Variants in CAMK1D observed in about 807,000 individuals in gnomAD.
The protein encoded by CAMK1D is calcium/calmodulin dependent protein kinase ID.
CAMK1D carries 9 observed loss-of-function variants against 47.7 expected under a neutral mutation model. The ratio of observed to expected loss-of-function variants is 0.19; its 90% CI spans 0.11 to 0.33. The LOEUF is 0.33. Among genes scored for constraint, CAMK1D ranks in the 10% least tolerant of loss-of-function variants. The pLI, the probability that CAMK1D is intolerant of heterozygous loss-of-function variation, is 1.00. For missense variants in CAMK1D, 291 were observed against 488.7 expected, an observed-to-expected ratio of 0.60 and a Z score of 3.81; for synonymous variants, 184 against 184.9, an observed-to-expected ratio of 0.99 and a Z score of 0.04.
chr10:12,658,007 G>A (rs983070174), intron 2 of CAMK1D, among the ~76,000 whole-genome samples: 72 of 152,212 alleles, frequency 4.7e-4, no homozygotes, highest in African/African-American at 1.7e-3. Context: ...AAAATTAGCT[G>A]GGCATGGTGG....
intron 1 of CAMK1D, among the ~76,000 whole-genome samples, chr10:12,389,389 G>A (rs1838641077): frequency 1.3e-5 from 2 of 152,298 alleles, no homozygotes; most frequent in Admixed American, 1.3e-4. Flanking sequence ...TCCTTGGGGT[G>A]CGTGGCCAGA....
chr10:12,501,237 C>T (rs1834693847), intron 1 of CAMK1D, among the ~76,000 whole-genome samples: 2 of 152,186 alleles, frequency 1.3e-5, no homozygotes, highest in South Asian at 4.1e-4. Flanking sequence ...AAATAGTGCC[C>T]TGGGGGCAGA....
At chr10:12,622,360 C>T (rs2132441608) in intron 2 of CAMK1D, among the ~76,000 whole-genome samples, 1 of 152,204 alleles carries the variant, frequency 6.6e-6, no homozygotes, top group Non-Finnish European at 1.5e-5. Context: ...TGTTTTTGGT[C>T]TGAGCCCATT....
chr10:12,439,463 A>G (rs1386958967), intron 1 of CAMK1D, among the ~76,000 whole-genome samples: 1 of 151,994 alleles, frequency 6.6e-6, no homozygotes, highest in Non-Finnish European at 1.5e-5. Flanking sequence ...TATGCATGTT[A>G]TTGTTTGCCT....
intron 1 of CAMK1D, among the ~76,000 whole-genome samples, chr10:12,377,306 A>G (rs531235142): frequency 5.9e-5 from 9 of 152,320 alleles, no homozygotes; most frequent in Non-Finnish European, 1.2e-4. Flanking sequence ...TCCATTGGCA[A>G]AAGGTCATGG....
intron 1 of CAMK1D, among the ~76,000 whole-genome samples, chr10:12,511,255 C>T (rs997356018): frequency 9.9e-5 from 15 of 152,054 alleles, no homozygotes; most frequent in African/African-American, 3.6e-4. Flanking sequence ...GGCTGGAGGC[C>T]AGAGGTTTTC....
At chr10:12,546,881 C>G (rs913352150) in intron 1 of CAMK1D, among the ~76,000 whole-genome samples, 4 of 151,944 alleles carry the variant, frequency 2.6e-5, no homozygotes, top group African/African-American at 9.7e-5. Flanking sequence ...ATGGGTGCAG[C>G]ACACCAACAT....
intron 1 of CAMK1D, among the ~76,000 whole-genome samples, chr10:12,433,352 C>G (rs2131994907): frequency 6.6e-6 from 1 of 152,240 alleles, no homozygotes; most frequent in Middle Eastern, 3.4e-3. Flanking sequence ...TCCCTCTGCT[C>G]TCATTTCCTG....
At chr10:12,805,465 G>T (rs1276825977) in intron 6 of CAMK1D, among the ~76,000 whole-genome samples, 1 of 150,624 alleles carries the variant, frequency 6.6e-6, no homozygotes, top group Non-Finnish European at 1.5e-5. Flanking sequence ...CCACCTCCCG[G>T]GTTCAAGTGA....
At chr10:12,721,864 C>T (rs1834391451) in intron 3 of CAMK1D, among the ~76,000 whole-genome samples, 1 of 152,142 alleles carries the variant, frequency 6.6e-6, no homozygotes, top group Admixed American at 6.5e-5. Context: ...CACTGTAGAC[C>T]TAATGTCTAT....
At chr10:12,485,037 C>T (rs939249996) in intron 1 of CAMK1D, among the ~76,000 whole-genome samples, 16 of 152,144 alleles carry the variant, frequency 1.1e-4, no homozygotes, top group South Asian at 1.0e-3. Flanking sequence ...TGAGCACAGC[C>T]GGACAGAGAG....
chr10:12,732,774 C>A (rs1834955165), intron 3 of CAMK1D, among the ~76,000 whole-genome samples: 1 of 145,800 alleles, frequency 6.9e-6, no homozygotes, highest in African/African-American at 2.5e-5. Flanking sequence ...CAATCTGGTT[C>A]ACAGCAACAA....
chr10:12,614,491 A>G (rs548438815), intron 2 of CAMK1D, among the ~76,000 whole-genome samples: 10 of 152,386 alleles, frequency 6.6e-5, no homozygotes, highest in African/African-American at 2.2e-4. Flanking sequence ...AGTTTTATAT[A>G]TTACAAAGTG....
chr10:12,656,296 G>A (rs1487833607), intron 2 of CAMK1D, among the ~76,000 whole-genome samples: 4 of 152,200 alleles, frequency 2.6e-5, no homozygotes, highest in African/African-American at 9.7e-5. Context: ...TTCAGGACCA[G>A]CCTGGGTAAC....
At chr10:12,535,575 C>T (rs1835943699) in intron 1 of CAMK1D, among the ~76,000 whole-genome samples, 2 of 152,124 alleles carry the variant, frequency 1.3e-5, no homozygotes, top group South Asian at 4.1e-4. Context: ...TCCTAGGACC[C>T]CTGGGCCTCT....
At chr10:12,825,514 TAG>T (rs1833169188) in intron 9 of CAMK1D, 57 bp from the exon 10 acceptor site, 2 of 1,515,914 alleles carry the variant, frequency 1.3e-6, no homozygotes, top group African/African-American at 2.8e-5. Context: ...AGAACACAGT[TAG>T]AGTCTTTTCC....
intron 1 of CAMK1D, among the ~76,000 whole-genome samples, chr10:12,504,133 G>C (rs894565533): frequency 4.0e-5 from 6 of 150,800 alleles, no homozygotes; most frequent in South Asian, 2.1e-4. Context: ...GTGTGTCTGT[G>C]TGTGTGTGTG....
At chr10:12,425,413 C>T (rs1040570524) in intron 1 of CAMK1D, among the ~76,000 whole-genome samples, 2 of 151,928 alleles carry the variant, frequency 1.3e-5, no homozygotes, top group African/African-American at 4.8e-5. Flanking sequence ...TCCTGAGTAG[C>T]TGAGACTATA....
intron 1 of CAMK1D, among the ~76,000 whole-genome samples, chr10:12,528,335 TTTC>T (rs1835693069): frequency 1.3e-5 from 2 of 152,240 alleles, no homozygotes; most frequent in Non-Finnish European, 2.9e-5. Flanking sequence ...TACAAATCAC[TTTC>T]AGAATGAAGT....
Sources: allele counts gnomAD v4.1 joint callset (sites outside exome capture counted in the v4.1 genomes callset), GRCh38; gene constraint gnomAD v4.1.1; transcripts MANE v1.5; gene names NCBI Gene and HGNC (gene_info 2026-07-23, HGNC 2026-07-21).